The following PDE1A variants were observed in gnomAD, a reference collection of about 807,000 sequenced individuals.
PDE1A encodes phosphodiesterase 1A.
Under a neutral mutation model 61.7 loss-of-function variants are expected in PDE1A, and 35 were observed. The ratio of observed to expected loss-of-function variants is 0.57; its 90% CI spans 0.43 to 0.75. PDE1A has a LOEUF of 0.75. PDE1A is among the 30% of genes least tolerant of loss of function. PDE1A has a pLI of 0.00. For missense variants in PDE1A, 597 were observed against 630.6 expected (o/e 0.95, Z 0.57); for synonymous variants, 232 against 213.2 (o/e 1.09, Z -0.77).
At chr2:182,410,628 T>G (rs970007983) in intron 1 of PDE1A, among the ~76,000 whole-genome samples, 4 of 152,194 alleles carry the variant, frequency 2.6e-5, no homozygotes, top group Non-Finnish European at 5.9e-5. Context: ...GTGCAAAGAA[T>G]TTCTGTCTCA....
At chr2:182,556,864 C>T in the PDE1A span, among the ~76,000 whole-genome samples, 102 of 152,148 alleles carry the variant, frequency 6.7e-4, 2 homozygotes, top group South Asian at 0.018. Flanking sequence ...AACACTAGGA[C>T]CATAGTACAT....
intron 1 of PDE1A, among the ~76,000 whole-genome samples, chr2:182,337,376 C>T (rs192557024): frequency 2.0e-5 from 3 of 152,228 alleles, no homozygotes; most frequent in African/African-American, 2.4e-5. Context: ...CATTATAATA[C>T]AGAGTTATGT....
the PDE1A span, among the ~76,000 whole-genome samples, chr2:182,712,081 G>T: frequency 6.6e-6 from 1 of 152,234 alleles, no homozygotes; most frequent in Non-Finnish European, 1.5e-5. Context: ...GGTCAGTTCT[G>T]TTAGATTCTT....
chr2:182,457,634 G>A (rs1241911808), intron 2 of PDE1A, among the ~76,000 whole-genome samples: 1 of 152,042 alleles, frequency 6.6e-6, no homozygotes, highest in Non-Finnish European at 1.5e-5. Context: ...ATAGTGTGAT[G>A]ACTGGCAAAC....
At chr2:182,354,331 C>A (rs565309883) in intron 1 of PDE1A, among the ~76,000 whole-genome samples, 1 of 152,230 alleles carries the variant, frequency 6.6e-6, no homozygotes, top group South Asian at 2.1e-4. Flanking sequence ...ATCTACCCAT[C>A]CGAAATATTT....
At chr2:182,567,628 C>T in the PDE1A span, among the ~76,000 whole-genome samples, 1 of 152,018 alleles carries the variant, frequency 6.6e-6, no homozygotes, top group African/African-American at 2.4e-5. Context: ...AACAACTAAT[C>T]ATAAATTTCA....
At chr2:182,246,607 C>T (rs1417274336) in intron 2 of PDE1A, among the ~76,000 whole-genome samples, 2 of 151,672 alleles carry the variant, frequency 1.3e-5, no homozygotes, top group Non-Finnish European at 2.9e-5. Flanking sequence ...TGGGTTTCGC[C>T]ATGTTGGCCA....
At chr2:182,670,220 A>G in the PDE1A span, among the ~76,000 whole-genome samples, 2 of 152,060 alleles carry the variant, frequency 1.3e-5, no homozygotes, top group African/African-American at 2.4e-5. Flanking sequence ...CAGGGGGTTT[A>G]CCCTACACCT....
At chr2:182,508,122 T>A (rs1689530546) in intron 2 of PDE1A, among the ~76,000 whole-genome samples, 1 of 151,518 alleles carries the variant, frequency 6.6e-6, no homozygotes, top group East Asian at 1.9e-4. Flanking sequence ...TTTTTTTTTT[T>A]AAGGATAAAA....
chr2:182,271,177 T>C (rs1221247688), intron 1 of PDE1A, among the ~76,000 whole-genome samples: 1 of 144,002 alleles, frequency 6.9e-6, no homozygotes, highest in Non-Finnish European at 1.5e-5. Flanking sequence ...TTTAGGTACC[T>C]TTACCACCAA....
intron 10 of PDE1A, among the ~76,000 whole-genome samples, chr2:182,198,865 G>C (rs57207106): frequency 0.23 from 35,210 of 151,718 alleles, 4,345 homozygotes; most frequent in East Asian, 0.31. Context: ...AAAAGAATTT[G>C]TGTAAAACTG....
At chr2:182,685,923 A>G in the PDE1A span, among the ~76,000 whole-genome samples, 1 of 152,230 alleles carries the variant, frequency 6.6e-6, no homozygotes, top group East Asian at 1.9e-4. Flanking sequence ...ATAAGACACA[A>G]AATCTATTCT....
chr2:182,200,222 T>A (rs1357746034), intron 10 of PDE1A, among the ~76,000 whole-genome samples: 2 of 152,182 alleles, frequency 1.3e-5, no homozygotes, highest in African/African-American at 2.4e-5. Flanking sequence ...CTGTGGAATT[T>A]CATGAGTGAT....
chr2:182,492,335 T>C (rs1021274103), intron 2 of PDE1A, among the ~76,000 whole-genome samples: 1 of 152,238 alleles, frequency 6.6e-6, no homozygotes, highest in African/African-American at 2.4e-5. Flanking sequence ...TTTACAACTA[T>C]ATTTTTATCC....
At chr2:182,396,065 C>T (rs1449453332) in intron 1 of PDE1A, among the ~76,000 whole-genome samples, 8 of 152,194 alleles carry the variant, frequency 5.3e-5, no homozygotes, top group African/African-American at 1.9e-4. Flanking sequence ...AAGTAAGTTA[C>T]GTGAGGAAGT....
chr2:182,183,853 G>T (rs969962413), intron 13 of PDE1A, among the ~76,000 whole-genome samples: 2 of 151,806 alleles, frequency 1.3e-5, no homozygotes, highest in Non-Finnish European at 1.5e-5. Flanking sequence ...ATTGAAAAAA[G>T]TAGCTGAGAT....
intron 1 of PDE1A, among the ~76,000 whole-genome samples, chr2:182,306,039 C>T (rs1273695205): frequency 6.6e-6 from 1 of 152,010 alleles, no homozygotes; most frequent in African/African-American, 2.4e-5. Context: ...TCCTCATATC[C>T]TCCACCCCCA....
At chr2:182,573,684 T>C in the PDE1A span, among the ~76,000 whole-genome samples, 1 of 151,770 alleles carries the variant, frequency 6.6e-6, no homozygotes, top group African/African-American at 2.4e-5. Flanking sequence ...TGTAACTATG[T>C]ATAATTTTGT....
chr2:182,312,110 T>G (rs1207607875), intron 1 of PDE1A, among the ~76,000 whole-genome samples: 1 of 152,158 alleles, frequency 6.6e-6, no homozygotes. Flanking sequence ...CTTTTAAATT[T>G]TTTTCCCATT....
Sources: gnomAD v4.1 joint callset for allele counts (sites outside exome capture counted in the v4.1 genomes callset) on GRCh38, gnomAD v4.1.1 for gene constraint, MANE v1.5 for transcripts, NCBI Gene and HGNC (gene_info 2026-07-23, HGNC 2026-07-21) for gene names.